The following CCSER1 variants were observed in gnomAD, a reference collection of about 807,000 sequenced individuals.
CCSER1 encodes the protein serine-rich coiled-coil domain-containing protein 1.
In CCSER1, 41 loss-of-function variants were observed where a neutral mutation model predicts 82.0. The ratio of observed to expected loss-of-function variants is 0.50; its 90% CI spans 0.39 to 0.65. The LOEUF is 0.65. CCSER1 is among the 30% of genes least tolerant of loss of function. The probability of loss-of-function intolerance (pLI) is 0.00; values close to 1 mark genes in which losing one functional copy is unlikely to be tolerated. For missense variants in CCSER1, 1,119 were observed against 1,064.2 expected, an observed-to-expected ratio of 1.05 and a Z score of -0.72; for synonymous variants, 414 against 383.9, an observed-to-expected ratio of 1.08 and a Z score of -0.92.
intron 7 of CCSER1, among the ~76,000 whole-genome samples, chr4:90,800,483 A>G (rs1295902989): frequency 6.6e-6 from 1 of 152,178 alleles, no homozygotes; most frequent in Non-Finnish European, 1.5e-5. Flanking sequence ...TAAGAAATAC[A>G]GGTAGAATAT....
chr4:90,799,949 T>C (rs1001777064), intron 7 of CCSER1, among the ~76,000 whole-genome samples: 10 of 152,276 alleles, frequency 6.6e-5, no homozygotes, highest in African/African-American at 2.2e-4. Context: ...TGGGAGCCAC[T>C]GGGGGCCAGG....
intron 1 of CCSER1, among the ~76,000 whole-genome samples, chr4:90,227,173 C>G (rs1165659564): frequency 6.6e-6 from 1 of 152,164 alleles, no homozygotes; most frequent in Non-Finnish European, 1.5e-5. Context: ...TGCTTCTGAG[C>G]AAGGTACAGT....
At chr4:91,308,216 T>C (rs1265059136) in intron 10 of CCSER1, among the ~76,000 whole-genome samples, 1 of 152,014 alleles carries the variant, frequency 6.6e-6, no homozygotes, top group Non-Finnish European at 1.5e-5. Flanking sequence ...TTTACTGAAC[T>C]GTGGCCTCTT....
intron 5 of CCSER1, among the ~76,000 whole-genome samples, chr4:90,616,223 T>C (rs1200489656): frequency 6.6e-6 from 1 of 152,186 alleles, no homozygotes; most frequent in Non-Finnish European, 1.5e-5. Context: ...AATATTTGCT[T>C]ATTGCAGTGG....
Position 90,266,547 on chromosome 4 carries a change from T to C in CCSER1, c.-41-41697T>C, listed in dbSNP as rs142811894. 2.2e-3 allele frequency among the ~76,000 whole-genome samples: 333 copies of C among 152,166 alleles called. 2 individuals are homozygous for C. Among genetic ancestry groups the C allele is most frequent in the Non-Finnish European group, 3.8e-3 (256 of 68,014 alleles). ...CCTAGTACGTGGTTTTAACTTTATA[T>C]TGCTAAAAGAGGCACTGAAGATGGT... On this transcript the variant is annotated intron_variant, in intron 1 of 10. Coordinates refer to ENST00000509176, the MANE Select transcript of CCSER1 (RefSeq NM_001145065.2).
At chr4:90,402,422 T>C (rs1753007484) in intron 4 of CCSER1, among the ~76,000 whole-genome samples, 1 of 152,192 alleles carries the variant, frequency 6.6e-6, no homozygotes, top group South Asian at 2.1e-4. Context: ...CAGGAAAACT[T>C]TTTATAGAGA....
chr4:91,496,826 G>C (rs370142295), intron 10 of CCSER1, among the ~76,000 whole-genome samples: 14 of 67,852 alleles, frequency 2.1e-4, no homozygotes, highest in South Asian at 4.7e-4. Flanking sequence ...AATATATATT[G>C]AATATATATT....
intron 10 of CCSER1, among the ~76,000 whole-genome samples, chr4:91,383,418 T>G (rs952918086): frequency 6.6e-6 from 1 of 151,868 alleles, no homozygotes; most frequent in Non-Finnish European, 1.5e-5. Flanking sequence ...ATAACAAATA[T>G]GAGATGCTGC....
chr4:90,638,120 T>C (rs1016169408), intron 6 of CCSER1, among the ~76,000 whole-genome samples: 18 of 152,280 alleles, frequency 1.2e-4, no homozygotes, highest in African/African-American at 4.1e-4. Flanking sequence ...TGAAGTTCGA[T>C]GGGCCATACC....
intron 10 of CCSER1, chr4:91,112,463 A>T (rs1036619203): frequency 6.6e-6 from 1 of 152,148 alleles, no homozygotes; most frequent in Non-Finnish European, 1.5e-5. Context: ...TTGTACAGAG[A>T]CAGTGAATTG....
chr4:90,964,737 A>G (rs1399059508), intron 9 of CCSER1, among the ~76,000 whole-genome samples: 5 of 148,964 alleles, frequency 3.4e-5, no homozygotes, highest in African/African-American at 9.9e-5. Context: ...TCTCCAAAAA[A>G]AAAAAAAAAA....
intron 1 of CCSER1, among the ~76,000 whole-genome samples, chr4:90,231,685 C>T (rs541352977): frequency 6.6e-6 from 1 of 151,778 alleles, no homozygotes; most frequent in East Asian, 1.9e-4. Context: ...TCAAATTGTC[C>T]CTGTTTGCAG....
chr4:91,488,271 A>G (rs1758330252), intron 10 of CCSER1, among the ~76,000 whole-genome samples: 1 of 152,220 alleles, frequency 6.6e-6, no homozygotes, highest in Non-Finnish European at 1.5e-5. Flanking sequence ...TTTATATGGC[A>G]ATTATTTTAT....
intron 8 of CCSER1, among the ~76,000 whole-genome samples, chr4:90,858,887 G>A (rs1276773630): frequency 6.6e-6 from 1 of 151,906 alleles, no homozygotes; most frequent in East Asian, 1.9e-4. Context: ...CGGAAGAGCT[G>A]TAAGAAATAG....
intron 10 of CCSER1, among the ~76,000 whole-genome samples, chr4:91,288,083 T>TATATATATAGGATATATATATAGG (rs1743438848): frequency 2.0e-5 from 3 of 147,398 alleles, no homozygotes; most frequent in East Asian, 2.0e-4. Context: ...TATACACTCA[T>TATATATATAGGATATATATATAGG]ATATATATAG....
chr4:90,227,780 C>T (rs1026790170), intron 1 of CCSER1, among the ~76,000 whole-genome samples: 98 of 152,266 alleles, frequency 6.4e-4, no homozygotes, highest in Admixed American at 1.7e-3. Context: ...ATGCACGAGC[C>T]GAAGCAGGGC....
At chr4:91,260,285 A>G (rs892583647) in intron 10 of CCSER1, among the ~76,000 whole-genome samples, 1 of 152,198 alleles carries the variant, frequency 6.6e-6, no homozygotes, top group Non-Finnish European at 1.5e-5. Flanking sequence ...TGTTCTTCCC[A>G]TACACCACTT....
At chr4:91,147,493 C>T (rs925295609) in intron 10 of CCSER1, among the ~76,000 whole-genome samples, 1 of 152,206 alleles carries the variant, frequency 6.6e-6, no homozygotes, top group Non-Finnish European at 1.5e-5. Context: ...TCCCCGCTCC[C>T]ATGCCAGCAC....
intron 10 of CCSER1, among the ~76,000 whole-genome samples, chr4:91,424,059 G>C (rs1753832041): frequency 8.1e-6 from 1 of 123,388 alleles, no homozygotes; most frequent in South Asian, 2.9e-4. Context: ...GCCCAGGCCG[G>C]ACTGCGGACT....
Sources: gnomAD v4.1 joint callset for allele counts (sites outside exome capture counted in the v4.1 genomes callset) on GRCh38, gnomAD v4.1.1 for gene constraint, MANE v1.5 for transcripts, NCBI Gene and HGNC (gene_info 2026-07-23, HGNC 2026-07-21) for gene names.